PTPN13: variants seen among roughly 807,000 people sequenced by gnomAD.
PTPN13 encodes protein tyrosine phosphatase non-receptor type 13, also known as tyrosine-protein phosphatase non-receptor type 13.
In PTPN13, 191 loss-of-function variants were observed where a neutral mutation model predicts 284.0. The observed-to-expected ratio is 0.67, with a 90% CI of 0.60 to 0.76. The LOEUF (loss-of-function observed/expected upper bound fraction) is 0.76, where lower values mean the gene tolerates loss of function less well. Among genes scored for constraint, PTPN13 ranks in the 30% least tolerant of loss-of-function variants. The pLI is 0.00. For missense variants in PTPN13, 2,797 were observed against 2,939.9 expected, an observed-to-expected ratio of 0.95 and a Z score of 1.12; for synonymous variants, 986 against 1,022.3, an observed-to-expected ratio of 0.96 and a Z score of 0.68.
At chr4:86,730,635 C>G (rs1329845069) in intron 10 of PTPN13, among the ~76,000 whole-genome samples, 3 of 149,740 alleles carry the variant, frequency 2.0e-5, no homozygotes, top group African/African-American at 7.3e-5. Flanking sequence ...AAAATCTGGT[C>G]TGCCACTTGC....
chr4:86,736,110 ATTGT>A (rs1735467935), intron 15 of PTPN13, among the ~76,000 whole-genome samples: 1 of 152,170 alleles, frequency 6.6e-6, no homozygotes, highest in Non-Finnish European at 1.5e-5. Context: ...TGATTCTAGA[ATTGT>A]TTGTTTTGCT....
intron 40 of PTPN13, among the ~76,000 whole-genome samples, chr4:86,788,036 C>T (rs1565580728): frequency 6.6e-6 from 1 of 152,108 alleles, no homozygotes. Context: ...ATAAATGGGA[C>T]TTTTGCTTTA....
intron 2 of PTPN13, among the ~76,000 whole-genome samples, chr4:86,640,787 A>G (rs1723698446): frequency 1.3e-5 from 2 of 152,224 alleles, no homozygotes; most frequent in Non-Finnish European, 2.9e-5. Context: ...AGAGGCAATT[A>G]TTGCATAACA....
At chr4:86,730,220 C>T (rs1475564369) in intron 10 of PTPN13, among the ~76,000 whole-genome samples, 1 of 149,526 alleles carries the variant, frequency 6.7e-6, no homozygotes, top group Admixed American at 6.7e-5. Flanking sequence ...GAGGGGCACC[C>T]AACCGTATGA....
chr4:86,608,861 T>A (rs1256744643), intron 1 of PTPN13, among the ~76,000 whole-genome samples: 1 of 152,180 alleles, frequency 6.6e-6, no homozygotes, highest in African/African-American at 2.4e-5. Context: ...CGTTTAAAAA[T>A]CATCCTTTGG....
At chr4:86,684,561 C>G (rs1729237651) in intron 3 of PTPN13, among the ~76,000 whole-genome samples, 1 of 152,040 alleles carries the variant, frequency 6.6e-6, no homozygotes, top group African/African-American at 2.4e-5. Context: ...AGTGGAACAA[C>G]TTTTCTAATC....
intron 2 of PTPN13, among the ~76,000 whole-genome samples, chr4:86,644,386 C>T (rs1724173952): frequency 6.6e-6 from 1 of 152,150 alleles, no homozygotes; most frequent in South Asian, 2.1e-4. Flanking sequence ...GCGACCCGCT[C>T]GCATCAGCCT....
chr4:86,784,556 A>G lies in PTPN13; in HGVS notation c.6116A>G (p.Lys2039Arg), dbSNP rs374396791. 19 of 1,599,894 alleles carry G rather than the reference A, an allele frequency of 1.2e-5. No individual in the cohort carries two copies. In the African/African-American group the frequency reaches 2.2e-4, roughly 18 times the overall value. ...GGATCACCAAACTTGACTCTGCCCA[A>G]AGGTAGTTTTCCAAATCAGTCATCT... ...IKGSPNLTLP[K>R]ESYIQEDDIY... Residue 2039 changes from lysine (K) to arginine (R), a missense_variant and splice_region_variant, in exon 38 of 48, where the codon AAA becomes AGA. Transcript: ENST00000411767.
rs1238049659 is a variant in PTPN13, at chr4:86,774,539, A to C, written c.5508+8A>C. 1 of 1,584,020 alleles carries C rather than the reference A, an allele frequency of 6.3e-7. No individual in the cohort carries two copies. The highest frequency in any genetic ancestry group is 1.4e-5 in the African/African-American group (1 of 74,064). On this transcript the variant is annotated splice_region_variant and intron_variant, in intron 33 of 47. Coordinates refer to ENST00000411767, the MANE Select transcript of PTPN13 (RefSeq NM_080683.3). Reference sequence around the variant, plus strand: ...GGGGACCGGCTCATAAAGGTGAGACATTTAAGAGGAATGGATTATTTGTGT... The same window carrying C: ...GGGGACCGGCTCATAAAGGTGAGACCTTTAAGAGGAATGGATTATTTGTGT...
chr4:86,809,426 AGTG>A (rs1486126552), intron 45 of PTPN13, among the ~76,000 whole-genome samples: 1 of 152,204 alleles, frequency 6.6e-6, no homozygotes, highest in East Asian at 1.9e-4. Flanking sequence ...GGCCGGGCAC[AGTG>A]GCTCACGCCT....
At chr4:86,780,252 T>C (rs1578653588) in intron 35 of PTPN13, 150 bp from the exon 36 acceptor site, 3 of 639,230 alleles carry the variant, frequency 4.7e-6, no homozygotes, top group East Asian at 2.8e-5. Flanking sequence ...TACAAAAAAA[T>C]AGCTGGGCAT....
chr4:86,620,870 G>T (rs748750864), intron 1 of PTPN13, among the ~76,000 whole-genome samples: 1 of 152,132 alleles, frequency 6.6e-6, no homozygotes, highest in African/African-American at 2.4e-5. Flanking sequence ...GTCAAATAAC[G>T]ATTATTCCTG....
At chr4:86,748,405 A>G (rs1170159080) in intron 17 of PTPN13, among the ~76,000 whole-genome samples, 1 of 152,198 alleles carries the variant, frequency 6.6e-6, no homozygotes, top group Non-Finnish European at 1.5e-5. Context: ...ATCCAAGAGT[A>G]GGCTACAAAT....
rs541435080 is a variant in PTPN13 at position 86,748,121 on chromosome 4, G to A, written c.2651-2349G>A. ...ACTATTTATAAGTGCACACTACTAT[G>A]GGATAAGAGAATAAATGAAGTCCCT... On this transcript the variant is annotated intron_variant, in intron 17 of 47. Transcript: ENST00000411767. 5.9e-5 allele frequency among the ~76,000 whole-genome samples: 9 copies of A among 152,248 alleles called. No homozygotes were observed. In the East Asian group the frequency reaches 1.7e-3, roughly 29 times the overall value.
Position 86,686,690 on chromosome 4 carries a change from CT to C in PTPN13, c.295-18del, listed in dbSNP as rs761494825. Reference sequence around the variant, plus strand: ...ATTGTATTTTATCATAAAATTATTTCTTAAAAATTCTATTCCTAGATCCACA... The same window carrying C: ...ATTGTATTTTATCATAAAATTATTTCTAAAAATTCTATTCCTAGATCCACA... On this transcript the variant is annotated intron_variant, in intron 3 of 47. Coordinates refer to ENST00000411767, the MANE Select transcript of PTPN13 (RefSeq NM_080683.3). 8 of 1,460,162 alleles carry C rather than the reference CT, an allele frequency of 5.5e-6. No homozygotes were observed. Among genetic ancestry groups the C allele is most frequent in the Non-Finnish European group, 7.5e-6 (8 of 1,072,526 alleles). The allele number at this position is 1,460,162 out of a possible 1,614,324, so 90.5% of individuals were successfully genotyped here. A position where few individuals can be genotyped will look rare whatever the true frequency, so the allele number is the denominator to read the frequency against.
intron 2 of PTPN13, among the ~76,000 whole-genome samples, chr4:86,635,995 G>A (rs953230659): frequency 6.6e-6 from 1 of 151,826 alleles, no homozygotes; most frequent in Non-Finnish European, 1.5e-5. Flanking sequence ...ACTCACACAC[G>A]AACACATTTG....
chr4:86,764,977 C>A (rs985456579), intron 25 of PTPN13, among the ~76,000 whole-genome samples: 1 of 152,096 alleles, frequency 6.6e-6, no homozygotes, highest in Non-Finnish European at 1.5e-5. Context: ...GAATATAAAA[C>A]TTGCAAATTG....
chr4:86,809,839 C>T lies in PTPN13; in HGVS notation c.7154C>T (p.Pro2385Leu), dbSNP rs1030677063. ...CCAGACCATGATACACCTTCTCAAC[C>T]AGATGATCTGCTTACTTTTATCTCC... Reference protein sequence around the residue: ...AWPDHDTPSQPDDLLTFISYM... With the variant: ...AWPDHDTPSQLDDLLTFISYM... Residue 2385 changes from proline (P) to leucine (L), a missense_variant, in exon 46 of 48, where the codon CCA (proline) becomes CTA (leucine). Transcript: ENST00000411767. The T allele has an allele frequency of 6.2e-7, 1 of 1,614,030 alleles. No individual in the cohort carries two copies. Among genetic ancestry groups the T allele is most frequent in the Admixed American group, 1.7e-5 (1 of 60,026 alleles).
intron 1 of PTPN13, among the ~76,000 whole-genome samples, chr4:86,625,813 G>A (rs767241648): frequency 6.6e-6 from 1 of 152,148 alleles, no homozygotes; most frequent in Non-Finnish European, 1.5e-5. Flanking sequence ...GAGGGCAATC[G>A]CAGAATGCTG....
Sources: allele counts gnomAD v4.1 joint callset (sites outside exome capture counted in the v4.1 genomes callset), GRCh38; gene constraint gnomAD v4.1.1; transcripts MANE v1.5; gene names NCBI Gene and HGNC (gene_info 2026-07-23, HGNC 2026-07-21).